CTCFL: variants seen among roughly 807,000 people sequenced by gnomAD.
CTCFL encodes CCCTC-binding factor like.
In CTCFL, 36 loss-of-function variants were observed where a neutral mutation model predicts 67.4. That is an observed-to-expected ratio of 0.53 (90% CI 0.41 to 0.71). The LOEUF (loss-of-function observed/expected upper bound fraction) is 0.71. CTCFL is among the 30% of genes least tolerant of loss of function. The probability of loss-of-function intolerance (pLI) is 0.00; values close to 1 mark genes in which losing one functional copy is unlikely to be tolerated. For synonymous variants in CTCFL, 324 were observed against 302.3 expected (o/e 1.07, Z -0.75); for missense variants, 786 against 835.2 (o/e 0.94, Z 0.73).
Position 57,512,687 on chromosome 20 carries a change from C to T in CTCFL, c.1396G>A (p.Val466Ile), listed in dbSNP as rs2068640364. Reference sequence around the variant, plus strand: ...ATGAGGGCATAGCGTTCATGGAAGACAGCAGAACAGTAGCGGCATTTCAGC... The same window carrying T: ...ATGAGGGCATAGCGTTCATGGAAGATAGCAGAACAGTAGCGGCATTTCAGC... ...AELKCRYCSA[V>I]FHERYALIQH... is the part of the protein sequence containing the mutation. Residue 466 changes from valine (V) to isoleucine (I), a missense_variant, in exon 8 of 11, where the codon GTC (valine) becomes ATC (isoleucine). By Grantham distance (29) the Val-to-Ile change is conservative. Transcript: ENST00000243914. The T allele has an allele frequency of 4.3e-6, 7 of 1,614,240 alleles. No homozygotes were observed. The highest frequency in any genetic ancestry group is 5.9e-6 in the Non-Finnish European group (7 of 1,180,036).
chr20:57,515,374 G>T, intron 6 of CTCFL: 4 of 285,326 alleles, frequency 1.4e-5, no homozygotes, highest in South Asian at 1.3e-4. Flanking sequence ...CAAACTCCTG[G>T]ACTCAAGGGA....
intron 10 of CTCFL, among the ~76,000 whole-genome samples, 157 bp downstream of exon 10, chr20:57,503,279 C>T (rs769232519): frequency 4.6e-5 from 7 of 152,322 alleles, no homozygotes; most frequent in Middle Eastern, 3.4e-3. Context: ...TGCTCACTGC[C>T]ATTCTGAGAG....
Position 57,523,809 on chromosome 20 carries a change from A to G in CTCFL, c.397T>C (p.Cys133Arg). 6.2e-7 allele frequency: 1 copy of G among 1,613,056 alleles called. No homozygotes were observed. The highest frequency in any genetic ancestry group is 8.5e-7 in the Non-Finnish European group (1 of 1,180,018). ...EEGPRQSLQQCVAISIQQELY... is the reference protein window; with the variant it reads ...EEGPRQSLQQRVAISIQQELY... ...TCTTGCTGGATACTAATGGCCACAC[A>G]CTGCTGCAGGCTCTGCCGGGGCCCT... The change falls in exon 2 of 11, where the codon TGT becomes CGT. Residue 133 changes from cysteine to arginine, a missense_variant. By Grantham distance (180) the Cys-to-Arg change is radical. Coordinates refer to ENST00000243914, the MANE Select transcript of CTCFL (RefSeq NM_001386993.1).
At chr20:57,524,801 G>T in intron 1 of CTCFL, 1 of 975,866 alleles carries the variant, frequency 1.0e-6, no homozygotes, top group Non-Finnish European at 1.2e-6. Flanking sequence ...CCCAGACTTG[G>T]CCAAGCAGCC....
chr20:57,510,843 G>A (rs541123393), intron 8 of CTCFL, among the ~76,000 whole-genome samples: 1 of 152,130 alleles, frequency 6.6e-6, no homozygotes, highest in Non-Finnish European at 1.5e-5. Flanking sequence ...GCAACAGAGT[G>A]AGACTCCGTC....
chr20:57,503,665 G>A, intron 9 of CTCFL, 64 bp from the exon 10 acceptor site: 1 of 1,542,034 alleles, frequency 6.5e-7, no homozygotes, highest in Non-Finnish European at 8.7e-7. Flanking sequence ...CCTCTCAGGG[G>A]CCTGTGGGGA....
intron 3 of CTCFL, among the ~76,000 whole-genome samples, chr20:57,519,603 G>C (rs1048499361): frequency 1.3e-5 from 2 of 152,208 alleles, no homozygotes; most frequent in South Asian, 2.1e-4. Flanking sequence ...TCTGGGCACA[G>C]AGTGGACTAG....
rs1449695974 is a variant in CTCFL at position 57,502,791 on chromosome 20, G to T, written c.1840+645C>A. On this transcript the variant is annotated intron_variant, in intron 10 of 10. Transcript: ENST00000243914. ...GAAGACTGTGATGGCTGTGGGGGCTGAATGGTGACCCCTAAAGGGATATGT... is the reference window on the plus strand; with the variant it reads ...GAAGACTGTGATGGCTGTGGGGGCTTAATGGTGACCCCTAAAGGGATATGT... Among the ~76,000 whole-genome samples, 5 of 152,200 alleles carry T rather than the reference G, an allele frequency of 3.3e-5. No individual in the cohort carries two copies. The East Asian group carries it at 7.7e-4, about 23-fold the overall frequency.
downstream of CTCFL, chr20:57,496,221 T>C (rs1164304296): frequency 1.3e-5 from 8 of 620,582 alleles, no homozygotes; most frequent in South Asian, 1.5e-4. Context: ...CAGAGGAGTG[T>C]GGCGCCTCCC....
At chr20:57,505,356 T>C (rs572203181) in intron 9 of CTCFL, among the ~76,000 whole-genome samples, 4 of 151,664 alleles carry the variant, frequency 2.6e-5, no homozygotes, top group South Asian at 2.1e-4. Context: ...CCCGGGTTCA[T>C]GCCATTCTCC....
chr20:57,503,715 G>A lies in CTCFL; in HGVS notation c.1675-114C>T, dbSNP rs1032574331. On this transcript the variant is annotated intron_variant, in intron 9 of 10. Transcript: ENST00000243914. ...AGAAAGAAAAATCCTGAGTTCTTTC[G>A]AGGGCAATTCCACACACCTCGCTAG... 124 of 1,116,284 alleles carry A rather than the reference G, an allele frequency of 1.1e-4. No individual in the cohort carries two copies. The African/African-American group carries it at 1.6e-3, about 15-fold the overall frequency. The allele number at this position is 1,116,284 out of a possible 1,614,324, so 69.1% of individuals were successfully genotyped here.
In CTCFL at chr20:57,497,517, A is replaced by G. The variant is rs2067740512; in HGVS notation, c.*1033T>C. On this transcript the variant is annotated 3_prime_UTR_variant, in exon 11 of 11. Transcript: ENST00000243914. The stretch of plus-strand genomic sequence containing the variant: ...GCAAAACAAACTGCTCAACTAAGCA[A>G]TGAAGAAAAATCTGCCTCTGTATCC... 1 of 985,476 alleles carries G rather than the reference A, an allele frequency of 1.0e-6. No homozygotes were observed. The highest frequency in any genetic ancestry group is 1.2e-6 in the Non-Finnish European group (1 of 829,924). The allele number at this position is 985,476 out of a possible 1,614,324, so 61.0% of individuals were successfully genotyped here.
intron 10 of CTCFL, chr20:57,500,085 A>ATTTTTTTTTTTTTTTT (rs3068009): frequency 1.6e-6 from 1 of 639,826 alleles, no homozygotes. Flanking sequence ...TCCTTGAAGT[A>ATTTTTTTTTTTTTTTT]TTTTTTTTTT....
chr20:57,515,196 G>A (rs545913474), intron 6 of CTCFL: 59 of 163,456 alleles, frequency 3.6e-4, no homozygotes, highest in South Asian at 2.2e-3. Flanking sequence ...CCAGGCTGGA[G>A]TGTAGTGGCG....
Position 57,523,897 on chromosome 20 carries a change from C to CTGTA in CTCFL, c.305_308dup (p.Gln103HisfsTer22). Reference sequence around the variant, plus strand: ...CCACCACCTGCACCCCTTCTTGCTGCTGTATGCTCAGCAAGCTCATATCCT... The same window carrying CTGTA: ...CCACCACCTGCACCCCTTCTTGCTGCTGTATGTATGCTCAGCAAGCTCATATCCT... On this transcript the variant is annotated frameshift_variant, in exon 2 of 11. Transcript: ENST00000243914. LOFTEE classifies it high-confidence loss of function. 6.2e-7 allele frequency: 1 copy of CTGTA among 1,613,192 alleles called. No homozygotes were observed.
chr20:57,520,362 A>G (rs2069259622), intron 3 of CTCFL, among the ~76,000 whole-genome samples: 1 of 152,270 alleles, frequency 6.6e-6, no homozygotes, highest in East Asian at 1.9e-4. Flanking sequence ...AGACCTACAA[A>G]GACTTCAGAT....
intron 7 of CTCFL, among the ~76,000 whole-genome samples, chr20:57,514,115 T>C (rs774220144): frequency 3.9e-5 from 6 of 152,206 alleles, no homozygotes; most frequent in Non-Finnish European, 8.8e-5. Flanking sequence ...AGGGGAAAAC[T>C]GTGTCTTTTG....
intron 3 of CTCFL, among the ~76,000 whole-genome samples, chr20:57,521,325 C>T (rs1437806385): frequency 3.3e-5 from 5 of 152,284 alleles, no homozygotes; most frequent in African/African-American, 1.2e-4. Context: ...CAACACCTTT[C>T]GTCATTAGAG....
rs935742823 is a variant in CTCFL, at chr20:57,509,044, G to A, written c.1492-256C>T. Among the ~76,000 whole-genome samples, 8 of 152,326 alleles carry A rather than the reference G, an allele frequency of 5.3e-5. No individual in the cohort carries two copies. The South Asian group carries it at 6.2e-4, about 12-fold the overall frequency. On this transcript the variant is annotated intron_variant, in intron 8 of 10. Coordinates refer to ENST00000243914, the MANE Select transcript of CTCFL (RefSeq NM_001386993.1). Reference sequence around the variant, plus strand: ...CTTGCTGGCTCTCCTGTCCTGTTGGGATGTGGGAGTACACACCGCAGGGCG... The same window carrying A: ...CTTGCTGGCTCTCCTGTCCTGTTGGAATGTGGGAGTACACACCGCAGGGCG...
Sources: allele counts gnomAD v4.1 joint callset (sites outside exome capture counted in the v4.1 genomes callset), GRCh38; gene constraint gnomAD v4.1.1; transcripts MANE v1.5; gene names NCBI Gene and HGNC (gene_info 2026-07-23, HGNC 2026-07-21).